Variants in RBM38 observed in about 807,000 individuals in gnomAD.
RBM38 encodes RNA-binding protein 38.
Under a neutral mutation model 23.5 loss-of-function variants are expected in RBM38, and 11 were observed. The ratio of observed to expected loss-of-function variants is 0.47; its 90% confidence interval spans 0.29 to 0.77. The LOEUF (loss-of-function observed/expected upper bound fraction) is 0.77, where lower values mean the gene tolerates loss of function less well. RBM38 is among the 30% of genes least tolerant of loss of function. RBM38 has a pLI of 0.08. For missense variants in RBM38, 330 were observed against 351.9 expected (o/e 0.94, Z 0.50); for synonymous variants, 165 against 166.1 (o/e 0.99, Z 0.05).
Position 57,391,624 on chromosome 20 carries a change from C to G in RBM38, c.43C>G (p.Pro15Ala). The G allele has an allele frequency of 6.9e-7, 1 of 1,443,922 alleles. No individual in the cohort carries two copies. The highest frequency in any genetic ancestry group is 9.2e-7 in the Non-Finnish European group (1 of 1,088,298). 89.4% of individuals were successfully genotyped at this position (1,443,922 alleles called of 1,614,324 possible). Residue 15 changes from proline (P) to alanine (A), a missense_variant, in exon 1 of 4, where the codon CCG becomes GCG. By Grantham distance (27) the Pro-to-Ala change is conservative (BLOSUM62 -1). Coordinates refer to ENST00000356208, the MANE Select transcript of RBM38 (RefSeq NM_017495.6). ...GCCGTGCGCCCCGAGCGCGGGCTTC[C>G]CGCGGCCCCTGGCCGCCCCCGGCGC... ...PAPCAPSAGF[P>A]RPLAAPGAMH...
At chr20:57,406,115 C>T (rs970594987) in intron 3 of RBM38, among the ~76,000 whole-genome samples, 1 of 152,204 alleles carries the variant, frequency 6.6e-6, no homozygotes, top group Admixed American at 6.5e-5. Context: ...GGCACAGTGC[C>T]GTGCCCTGGA....
At chr20:57,405,990 G>A (rs1337207608) in intron 3 of RBM38, among the ~76,000 whole-genome samples, 1 of 152,226 alleles carries the variant, frequency 6.6e-6, no homozygotes, top group African/African-American at 2.4e-5. Flanking sequence ...TGCTTCCCTT[G>A]AGGGGGGCCC....
rs1001791272 is a variant in RBM38, at chr20:57,408,914, G to GC, written c.*1070dup. ...TGGGGTCTAGACCATGGTGGTGCCA[G>GC]CCTGGGGGGGGCAGTGGCCCTCAGC... On this transcript the variant is annotated 3_prime_UTR_variant, in exon 4 of 4. Transcript: ENST00000356208. The GC allele has an allele frequency of 6.5e-6, 1 of 152,694 alleles. No homozygotes were observed. The highest frequency in any genetic ancestry group is 2.4e-5 in the African/African-American group (1 of 41,278). The allele number at this position is 152,694 out of a possible 1,614,324, so 9.5% of individuals were successfully genotyped here. A position where few individuals can be genotyped will look rare whatever the true frequency, so the allele number is the denominator to read the frequency against.
chr20:57,397,760 T>C (rs2067289333), intron 3 of RBM38, among the ~76,000 whole-genome samples: 1 of 152,240 alleles, frequency 6.6e-6, no homozygotes, highest in African/African-American at 2.4e-5. Flanking sequence ...GAGTGCTTGC[T>C]GTATGCCAGA....
chr20:57,391,842 C>G, intron 1 of RBM38, 24 bp downstream of exon 1: 1 of 1,491,748 alleles, frequency 6.7e-7, no homozygotes, highest in Non-Finnish European at 9.0e-7. Flanking sequence ...GCGCCCGGGC[C>G]CGCACCCCGC....
intron 3 of RBM38, among the ~76,000 whole-genome samples, chr20:57,406,625 C>T (rs1416966741): frequency 6.6e-6 from 1 of 152,174 alleles, no homozygotes; most frequent in Non-Finnish European, 1.5e-5. Flanking sequence ...TCCTTTGCTC[C>T]AGCATTCACG....
rs896732255 is a variant in RBM38 at position 57,393,433 on chromosome 20, T to TGAACCC, written c.416+100_416+101insGAACCC. The TGAACCC allele has an allele frequency of 7.0e-6, 9 of 1,294,830 alleles. No homozygotes were observed. The African/African-American group carries it at 1.3e-4, about 19-fold the overall frequency. The allele number at this position is 1,294,830 out of a possible 1,614,324, so 80.2% of individuals were successfully genotyped here. On this transcript the variant is annotated intron_variant, in intron 3 of 3. Coordinates refer to ENST00000356208, the MANE Select transcript of RBM38 (RefSeq NM_017495.6). ...TGGAAGGCTGGGGAAATGACAGTTT[T>TGAACCC]CAGACATTTGATTGCGTTTAAGCCA...
At chr20:57,392,037 C>CCCCCA (rs2067223728) in intron 1 of RBM38, among the ~76,000 whole-genome samples, 1 of 136,258 alleles carries the variant, frequency 7.3e-6, no homozygotes, top group Non-Finnish European at 1.6e-5. Flanking sequence ...CCCACCCCCA[C>CCCCCA]CCCCACCCCC....
chr20:57,392,596 GC>G, intron 1 of RBM38, 57 bp from the exon 2 acceptor site: 1 of 1,559,656 alleles, frequency 6.4e-7, no homozygotes, highest in South Asian at 1.2e-5. Flanking sequence ...GGAGCCGTCT[GC>G]CCCTTTCGCC....
intron 3 of RBM38, among the ~76,000 whole-genome samples, chr20:57,401,087 G>A (rs985392755): frequency 7.9e-4 from 119 of 151,396 alleles, no homozygotes; most frequent in Non-Finnish European, 1.1e-3. Context: ...GCGCCTGGCC[G>A]CTGGTCTGTT....
rs760375153 is a variant in RBM38, at chr20:57,392,746, T to C, written c.330T>C (p.Tyr110=). The change falls in exon 2 of 4, where the codon TAT becomes TAC. Residue 110 remains tyrosine (Y), a synonymous_variant. Coordinates refer to ENST00000356208, the MANE Select transcript of RBM38 (RefSeq NM_017495.6). ...GCAAGGCCAACGTGAACCTGGCATA[T>C]CTGGGCGCCAAGCCGCGGAGCCTCC... is the stretch of plus-strand genomic sequence containing the variant. The part of the protein sequence containing the change: ...DGRKANVNLA[Y]LGAKPRSLQT... The C allele has an allele frequency of 1.1e-5, 18 of 1,612,994 alleles. No individual in the cohort carries two copies. The South Asian group carries it at 2.0e-4, about 18-fold the overall frequency.
At position 57,407,572 on chromosome 20, in the gene RBM38, C is replaced by G; in HGVS notation, c.446C>G (p.Ala149Gly). 1.2e-6 allele frequency: 2 copies of G among 1,613,808 alleles called. No individual in the cohort carries two copies. The highest frequency in any genetic ancestry group is 2.2e-5 in the South Asian group (2 of 91,062). ...ACCCCGCACTACATCTACCCACCAG[C>G]CATCGTGCAGCCCAGCGTGGTGATC... ...GLTPHYIYPP[A>G]IVQPSVVIPA... is the part of the protein sequence containing the mutation. The change falls in exon 4 of 4, where the codon GCC (alanine) becomes GGC (glycine). Residue 149 changes from alanine (A) to glycine (G), a missense_variant. Ala to Gly is a moderately conservative substitution (Grantham distance 60, BLOSUM62 0). This residue lies in a region of RBM38 where 227 missense variants were observed against 216.4 expected (regional missense o/e 1.05). Coordinates refer to ENST00000356208, the MANE Select transcript of RBM38 (RefSeq NM_017495.6). The surrounding 1 kb of genome is among the most constrained non-coding windows in gnomAD (Gnocchi z 4.0).
chr20:57,392,139 A>G (rs1311296218), intron 1 of RBM38: 1 of 240,994 alleles, frequency 4.1e-6, no homozygotes, highest in Non-Finnish European at 8.3e-6. Context: ...TTCCTGGAGC[A>G]GCGGGGGGTG....
intron 3 of RBM38, among the ~76,000 whole-genome samples, chr20:57,394,678 T>C (rs549306556): frequency 2.0e-5 from 3 of 152,114 alleles, no homozygotes; most frequent in African/African-American, 4.8e-5. Context: ...TAGAGGGTGT[T>C]TGGGGACACT....
In RBM38 at chr20:57,401,775, A is replaced by C. The variant is rs1412573988; in HGVS notation, c.417-5768A>C. ...TCGAATCTGGGAACAGAAGGAGCCCAGGGCAGTGGGAGTGTGGCCAGGGAG... is the reference window on the plus strand; with the variant it reads ...TCGAATCTGGGAACAGAAGGAGCCCCGGGCAGTGGGAGTGTGGCCAGGGAG... On this transcript the variant is annotated intron_variant, in intron 3 of 3. Transcript: ENST00000356208. Among the ~76,000 whole-genome samples, 3 of 152,194 alleles carry C rather than the reference A, an allele frequency of 2.0e-5. 1 individual carries two copies. The highest frequency in any genetic ancestry group is 2.0e-4 in the Admixed American group (3 of 15,276).
In RBM38 at chr20:57,391,793, C is replaced by T; in HGVS notation, c.212C>T (p.Thr71Met). The T allele has an allele frequency of 4.5e-6, 7 of 1,561,408 alleles. No individual in the cohort carries two copies. The highest frequency in any genetic ancestry group is 5.2e-6 in the Non-Finnish European group (6 of 1,153,014). Residue 71 changes from threonine (T) to methionine (M), a missense_variant, in exon 1 of 4, where the codon ACG (threonine) becomes ATG (methionine). Physicochemically the swap from Thr to Met is moderately conservative, Grantham distance 81. Transcript: ENST00000356208. ...GCCGTGGTCATCACCGACCGCCAGA[C>T]GGGCAAGTCCCGCGGCTACGGCTTC... ...EEAVVITDRQ[T>M]GKSRGYGFVT...
intron 1 of RBM38, among the ~76,000 whole-genome samples, chr20:57,392,024 A>ACCACCCCAGGCCCCGGCCCCCG (rs1260002923): frequency 1.9e-4 from 2 of 10,538 alleles, no homozygotes; most frequent in Non-Finnish European, 3.4e-4. Flanking sequence ...CCCCACCCCC[A>ACCACCCCAGGCCCCGGCCCCCG]CCCCCACCCC....
At position 57,407,370 on chromosome 20, in the gene RBM38, G is replaced by A. The variant is rs986843299; in HGVS notation, c.417-173G>A. 5.3e-5 allele frequency among the ~76,000 whole-genome samples: 8 copies of A among 152,182 alleles called. No homozygotes were observed. The highest frequency in any genetic ancestry group is 1.3e-4 in the Admixed American group (2 of 15,278). On this transcript the variant is annotated intron_variant, in intron 3 of 3. Transcript: ENST00000356208. The surrounding 1 kb of genome is among the most constrained non-coding windows in gnomAD (Gnocchi z 4.0). The stretch of plus-strand genomic sequence containing the variant: ...CTGGTGGTTAGTGCAGACAGTCAGT[G>A]CGAAGGCCTTGAGGCGGCAGCATCT...
At chr20:57,397,634 A>G (rs979345431) in intron 3 of RBM38, among the ~76,000 whole-genome samples, 2 of 152,214 alleles carry the variant, frequency 1.3e-5, no homozygotes, top group African/African-American at 4.8e-5. Context: ...GAGCAAGAGG[A>G]CGTACTGGGG....
Sources: gnomAD v4.1 joint callset for allele counts (sites outside exome capture counted in the v4.1 genomes callset) on GRCh38, gnomAD v4.1.1 for gene constraint, gnomAD v4.1.1 regional missense constraint, Gnocchi (gnomAD v3.1) non-coding constraint, MANE v1.5 for transcripts, NCBI Gene and HGNC (gene_info 2026-07-23, HGNC 2026-07-21) for gene names.